The following ULK2 variants were observed in gnomAD, a reference collection of about 807,000 sequenced individuals.
The protein encoded by ULK2 is unc-51 like autophagy activating kinase 2, also known as serine/threonine-protein kinase ULK2.
In ULK2, 76 loss-of-function variants were observed where a neutral mutation model predicts 127.5. The ratio of observed to expected loss-of-function variants is 0.60; its 90% CI spans 0.50 to 0.72. The LOEUF (loss-of-function observed/expected upper bound fraction) is 0.72. ULK2 is among the 30% of genes least tolerant of loss of function. The pLI is 0.00. For synonymous variants in ULK2, 452 were observed against 461.9 expected (o/e 0.98, Z 0.28); for missense variants, 1,144 against 1,295.9 (o/e 0.88, Z 1.80).
intron 12 of ULK2, among the ~76,000 whole-genome samples, chr17:19,820,135 G>A (rs1407529114): frequency 6.7e-6 from 1 of 148,180 alleles, no homozygotes; most frequent in East Asian, 2.0e-4. Context: ...TGCAACCTCC[G>A]CCTCCCGGGT....
At chr17:19,821,816 T>A (rs1451473014) in intron 12 of ULK2, among the ~76,000 whole-genome samples, 1 of 152,130 alleles carries the variant, frequency 6.6e-6, no homozygotes, top group Admixed American at 6.6e-5. Context: ...CATAGCTCAC[T>A]GTAACCTCGA....
At chr17:19,861,500 G>A (rs1250013927) in intron 3 of ULK2, among the ~76,000 whole-genome samples, 1 of 151,910 alleles carries the variant, frequency 6.6e-6, no homozygotes. Flanking sequence ...AGCCAAGATC[G>A]CGCCACTGCG....
At chr17:19,810,636 A>G (rs894293655) in intron 13 of ULK2, among the ~76,000 whole-genome samples, 198 bp from the exon 14 acceptor site, 9 of 152,340 alleles carry the variant, frequency 5.9e-5, no homozygotes, top group African/African-American at 1.7e-4. Context: ...AACTCTTTGG[A>G]TGCCCACTTC....
At chr17:19,831,124 A>G (rs1314915299) in intron 10 of ULK2, among the ~76,000 whole-genome samples, 1 of 152,080 alleles carries the variant, frequency 6.6e-6, no homozygotes, top group Admixed American at 6.6e-5. Flanking sequence ...AAAACTTACA[A>G]TCATGGCAGA....
At chr17:19,806,329 T>A (rs2087515227) in intron 14 of ULK2, among the ~76,000 whole-genome samples, 3 of 152,230 alleles carry the variant, frequency 2.0e-5, no homozygotes, top group South Asian at 2.1e-4. Context: ...GAATTTTTTT[T>A]AAATACACAT....
chr17:19,859,818 C>G (rs1179802978), intron 3 of ULK2, among the ~76,000 whole-genome samples: 2 of 152,054 alleles, frequency 1.3e-5, no homozygotes. Flanking sequence ...TAGCTGGGAT[C>G]ACAGGTATGC....
intron 5 of ULK2, 82 bp downstream of exon 5, chr17:19,849,287 T>TA: frequency 8.4e-7 from 1 of 1,186,914 alleles, no homozygotes; most frequent in Admixed American, 2.1e-5. Flanking sequence ...AGAAAATGGG[T>TA]AGTGTATTTC....
chr17:19,845,415 T>C (rs372674087), intron 6 of ULK2, 38 bp from the exon 7 acceptor site: 515 of 1,460,000 alleles, frequency 3.5e-4, no homozygotes, highest in Non-Finnish European at 4.7e-4. Context: ...GCAAATTACG[T>C]CTTCGCTCAT....
rs775758042 is a variant in ULK2 at position 19,845,350 on chromosome 17, T to G, written c.497A>C (p.His166Pro). The change falls in exon 7 of 27, where the codon CAT (histidine) becomes CCT (proline). Residue 166 changes from histidine (H) to proline (P), a missense_variant. Physicochemically the swap from His to Pro is moderately conservative, Grantham distance 77 (BLOSUM62 -2). Coordinates refer to ENST00000395544, the MANE Select transcript of ULK2 (RefSeq NM_014683.4). ...IADFGFARYL[H>P]SNMMAATLCG... The stretch of plus-strand genomic sequence containing the variant: ...CAGTGTTGCAGCCATCATGTTACTA[T>G]GTAGGTAACGAGCAAAACCAAAATC... The G allele has an allele frequency of 6.2e-7, 1 of 1,614,022 alleles. No homozygotes were observed. Among genetic ancestry groups the G allele is most frequent in the East Asian group, 2.2e-5 (1 of 44,858 alleles).
chr17:19,825,219 T>C (rs747301896), intron 11 of ULK2, 37 bp from the exon 12 acceptor site: 3 of 1,577,344 alleles, frequency 1.9e-6, no homozygotes, highest in Non-Finnish European at 2.6e-6. Context: ...CATCATTTTG[T>C]AGTGCAGTCA....
intron 13 of ULK2, 134 bp from the exon 14 acceptor site, chr17:19,810,572 T>C (rs1457429809): frequency 5.2e-6 from 3 of 572,314 alleles, no homozygotes; most frequent in Non-Finnish European, 6.2e-6. Flanking sequence ...ATTTCATGTA[T>C]AAGAAATAAT....
chr17:19,777,680 T>C lies in ULK2; in HGVS notation c.2953A>G (p.Thr985Ala), dbSNP rs1250395134. The change falls in exon 26 of 27, where the codon ACC becomes GCC. Residue 985 changes from threonine to alanine, a missense_variant. Transcript: ENST00000395544. Reference protein sequence around the residue: ...SAALDEMFQQTEDIVYRYHKA... With the variant: ...SAALDEMFQQAEDIVYRYHKA... ...TGATAGCGATAAACAATATCTTCGG[T>C]CTGCTGAAACATCTCATCCAGGGCT... The C allele has an allele frequency of 4.3e-6, 7 of 1,613,914 alleles. No individual in the cohort carries two copies. Among genetic ancestry groups the C allele is most frequent in the African/African-American group, 2.7e-5 (2 of 74,926 alleles).
chr17:19,836,024 T>C (rs2041587621), intron 10 of ULK2, among the ~76,000 whole-genome samples: 2 of 151,392 alleles, frequency 1.3e-5, no homozygotes, highest in East Asian at 3.9e-4. Flanking sequence ...CTCAGCACTT[T>C]GGGAGGCCAA....
chr17:19,828,998 A>G (rs760140786), intron 10 of ULK2, among the ~76,000 whole-genome samples: 4 of 152,146 alleles, frequency 2.6e-5, no homozygotes, highest in South Asian at 2.1e-4. Flanking sequence ...AACTCGGGAC[A>G]CAGAGGTTGC....
chr17:19,784,874 T>G (rs900902970), intron 21 of ULK2, among the ~76,000 whole-genome samples: 3 of 152,176 alleles, frequency 2.0e-5, no homozygotes, highest in Non-Finnish European at 2.9e-5. Context: ...AGATATAAAA[T>G]GTTACTTTCG....
intron 20 of ULK2, among the ~76,000 whole-genome samples, chr17:19,786,409 G>A (rs921386984): frequency 6.6e-6 from 1 of 152,082 alleles, no homozygotes; most frequent in South Asian, 2.1e-4. Flanking sequence ...GCCAAGAACT[G>A]GGAATAAAAA....
At chr17:19,809,874 C>G (rs1257964847) in intron 14 of ULK2, among the ~76,000 whole-genome samples, 1 of 151,498 alleles carries the variant, frequency 6.6e-6, no homozygotes, top group Non-Finnish European at 1.5e-5. Context: ...CAATGCACTC[C>G]AGCCTGGGCC....
rs397778615 is a variant in ULK2 at position 19,774,032 on chromosome 17, A to AC, written c.*2316_*2317insG. On this transcript the variant is annotated 3_prime_UTR_variant, in exon 27 of 27. Transcript: ENST00000395544. The stretch of plus-strand genomic sequence containing the variant: ...GAGGGTATAGTTAAAGCAAACCCTT[A>AC]GAGCAGGAATAGCTGGTCAGCAATT... 2 of 3,564 alleles carry AC rather than the reference A, an allele frequency of 5.6e-4. No individual in the cohort carries two copies. Among genetic ancestry groups the AC allele is most frequent in the East Asian group, 2.5e-3 (2 of 796 alleles). The allele number at this position is 3,564 out of a possible 1,614,324, so 0.2% of individuals were successfully genotyped here.
At chr17:19,829,572 T>C (rs2041385121) in intron 10 of ULK2, among the ~76,000 whole-genome samples, 5 of 115,782 alleles carry the variant, frequency 4.3e-5, no homozygotes, top group Non-Finnish European at 8.6e-5. Context: ...GCACGGTAGC[T>C]CACGCCTGTA....
Sources: gnomAD v4.1 joint callset for allele counts (sites outside exome capture counted in the v4.1 genomes callset) on GRCh38, gnomAD v4.1.1 for gene constraint, MANE v1.5 for transcripts, NCBI Gene and HGNC (gene_info 2026-07-23, HGNC 2026-07-21) for gene names.